Variants in GFRAL observed in about 807,000 individuals in gnomAD.
GFRAL encodes GDNF family receptor alpha like, also known as GDNF family receptor alpha-like.
Under a neutral mutation model 45.4 loss-of-function variants are expected in GFRAL, and 36 were observed. The observed-to-expected ratio is 0.79, with a 90% confidence interval of 0.61 to 1.05. GFRAL has a LOEUF of 1.05. GFRAL is among the 50% of genes least tolerant of loss of function. The probability of loss-of-function intolerance (pLI) is 0.00; values close to 1 mark genes in which losing one functional copy is unlikely to be tolerated. For missense variants in GFRAL, 507 were observed against 467.5 expected (o/e 1.08, Z -0.78); for synonymous variants, 166 against 154.1 (o/e 1.08, Z -0.57).
chr6:55,371,329 T>C (rs181716821), intron 6 of GFRAL, among the ~76,000 whole-genome samples: 40 of 152,316 alleles, frequency 2.6e-4, no homozygotes, highest in Non-Finnish European at 4.3e-4. Flanking sequence ...TAAACACTCA[T>C]AGATTTTGAC....
At chr6:55,369,111 C>T (rs1206906988) in intron 6 of GFRAL, among the ~76,000 whole-genome samples, 1 of 151,388 alleles carries the variant, frequency 6.6e-6, no homozygotes, top group Non-Finnish European at 1.5e-5. Context: ...GGGCGTAGGA[C>T]CCTCCGAGCC....
chr6:55,394,132 T>C (rs1348685232), intron 6 of GFRAL, among the ~76,000 whole-genome samples: 1 of 152,164 alleles, frequency 6.6e-6, no homozygotes, highest in Admixed American at 6.6e-5. Context: ...AGATGGGCCA[T>C]TTCATTTACT....
intron 6 of GFRAL, among the ~76,000 whole-genome samples, chr6:55,397,959 A>G (rs900708486): frequency 2.7e-4 from 41 of 152,188 alleles, no homozygotes; most frequent in African/African-American, 9.7e-4. Flanking sequence ...AAAGTTGCCT[A>G]AAGTATTTAG....
chr6:55,360,161 T>G (rs1768254045), intron 6 of GFRAL, among the ~76,000 whole-genome samples: 1 of 151,966 alleles, frequency 6.6e-6, no homozygotes, highest in Non-Finnish European at 1.5e-5. Context: ...GGAAACAACC[T>G]AAGGATGTGA....
At chr6:55,386,492 A>G (rs1173896141) in intron 6 of GFRAL, among the ~76,000 whole-genome samples, 1 of 152,118 alleles carries the variant, frequency 6.6e-6, no homozygotes, top group Non-Finnish European at 1.5e-5. Flanking sequence ...TTGTAAGTAT[A>G]TGTGTATAGG....
chr6:55,338,577 C>T lies in GFRAL; in HGVS notation c.316+4633C>T, dbSNP rs550949390. Among the ~76,000 whole-genome samples, 335 of 152,220 alleles carry T rather than the reference C, an allele frequency of 2.2e-3. 1 individual carries two copies. The highest frequency in any genetic ancestry group is 7.4e-3 in the African/African-American group (307 of 41,522). On this transcript the variant is annotated intron_variant, in intron 3 of 8. Transcript: ENST00000340465. ...AGTCTACACACATAATAAGGACACA[C>T]ACATACACACACAGACAAAGTACTA...
chr6:55,377,149 C>G (rs1262354031), intron 6 of GFRAL, among the ~76,000 whole-genome samples: 2 of 151,926 alleles, frequency 1.3e-5, no homozygotes, highest in Admixed American at 1.3e-4. Context: ...CAAATTGTAC[C>G]AAATAATTTG....
At chr6:55,376,240 T>G (rs926258391) in intron 6 of GFRAL, among the ~76,000 whole-genome samples, 1 of 152,130 alleles carries the variant, frequency 6.6e-6, no homozygotes, top group African/African-American at 2.4e-5. Context: ...ATTTTTTTTG[T>G]GCTGCTGGAT....
Position 55,377,551 on chromosome 6 carries a change from T to C in GFRAL, c.952+18413T>C, listed in dbSNP as rs138570198. Among the ~76,000 whole-genome samples the C allele has an allele frequency of 6.9e-4, 105 of 152,126 alleles. 2 individuals carry two copies. The East Asian group carries it at 7.6e-3, about 11-fold the overall frequency. On this transcript the variant is annotated intron_variant, in intron 6 of 8. Coordinates refer to ENST00000340465, the MANE Select transcript of GFRAL (RefSeq NM_207410.2). Reference sequence around the variant, plus strand: ...CAGAAAAAGACATTACACTGGAGATTTTTAGGGGCCAGTCATAAGTGCATT... The same window carrying C: ...CAGAAAAAGACATTACACTGGAGATCTTTAGGGGCCAGTCATAAGTGCATT...
rs375881025 is a variant in GFRAL, at chr6:55,353,853, G to T, written c.701+2270G>T. Among the ~76,000 whole-genome samples the T allele has an allele frequency of 7.9e-5, 12 of 152,032 alleles. No homozygotes were observed. The East Asian group carries it at 1.2e-3, about 15-fold the overall frequency. On this transcript the variant is annotated intron_variant, in intron 5 of 8. Coordinates refer to ENST00000340465, the MANE Select transcript of GFRAL (RefSeq NM_207410.2). ...GAAATCAATGAAATATGAAATCAAT[G>T]AAATATCAAACACATGTGATTACAC...
At chr6:55,373,896 C>T (rs547838050) in intron 6 of GFRAL, among the ~76,000 whole-genome samples, 1 of 152,116 alleles carries the variant, frequency 6.6e-6, no homozygotes, top group Non-Finnish European at 1.5e-5. Flanking sequence ...GATGCTCTCC[C>T]TCCTCCCACC....
intron 4 of GFRAL, among the ~76,000 whole-genome samples, chr6:55,350,716 A>G (rs548304843): frequency 6.6e-6 from 1 of 152,124 alleles, no homozygotes. Flanking sequence ...CAAATAGTAG[A>G]TAGTGATTAC....
chr6:55,337,361 C>T (rs996463733), intron 3 of GFRAL, among the ~76,000 whole-genome samples: 4 of 150,138 alleles, frequency 2.7e-5, no homozygotes, highest in Admixed American at 7.1e-5. Context: ...AGTATATTGG[C>T]ATGTTGATTT....
intron 3 of GFRAL, among the ~76,000 whole-genome samples, chr6:55,341,690 T>C (rs547980286): frequency 6.6e-6 from 1 of 152,286 alleles, no homozygotes; most frequent in African/African-American, 2.4e-5. Context: ...TTTGACGAGT[T>C]CAGAGAATAA....
chr6:55,389,737 T>C (rs901872917), intron 6 of GFRAL, among the ~76,000 whole-genome samples: 3 of 152,222 alleles, frequency 2.0e-5, no homozygotes, highest in Non-Finnish European at 4.4e-5. Flanking sequence ...CTATTATCTA[T>C]GTTTACTAGT....
At chr6:55,344,040 A>G (rs1055224654) in intron 3 of GFRAL, among the ~76,000 whole-genome samples, 17 of 152,136 alleles carry the variant, frequency 1.1e-4, no homozygotes, top group African/African-American at 3.4e-4. Flanking sequence ...TAAGGCAGTA[A>G]TTAATAGCCT....
intron 6 of GFRAL, among the ~76,000 whole-genome samples, chr6:55,382,390 C>T (rs1230396100): frequency 3.3e-5 from 5 of 151,810 alleles, no homozygotes; most frequent in Non-Finnish European, 5.9e-5. Flanking sequence ...ACTTTAAATA[C>T]CATCCAATGT....
At chr6:55,389,428 A>C (rs1442253017) in intron 6 of GFRAL, among the ~76,000 whole-genome samples, 9 of 152,216 alleles carry the variant, frequency 5.9e-5, no homozygotes, top group Non-Finnish European at 1.5e-5. Flanking sequence ...TCATTGCTCC[A>C]TAGGTAATAC....
chr6:55,337,836 T>A (rs1401344546), intron 3 of GFRAL, among the ~76,000 whole-genome samples: 2 of 152,206 alleles, frequency 1.3e-5, no homozygotes, highest in Non-Finnish European at 1.5e-5. Flanking sequence ...TCAATTTTAC[T>A]ATTCATTGTT....
Sources: gnomAD v4.1 joint callset for allele counts (sites outside exome capture counted in the v4.1 genomes callset) on GRCh38, gnomAD v4.1.1 for gene constraint, MANE v1.5 for transcripts, NCBI Gene and HGNC (gene_info 2026-07-23, HGNC 2026-07-21) for gene names.